Variants in CADPS2 observed in about 807,000 individuals in gnomAD.
CADPS2 encodes the protein calcium dependent secretion activator 2.
CADPS2 carries 93 observed loss-of-function variants against 172.5 expected under a neutral mutation model. The observed-to-expected ratio is 0.54, with a 90% CI of 0.46 to 0.64. The LOEUF (loss-of-function observed/expected upper bound fraction) is 0.64. CADPS2 is among the 30% of genes least tolerant of loss of function. The probability of loss-of-function intolerance (pLI) is 0.00; values close to 1 mark genes in which losing one functional copy is unlikely to be tolerated. For synonymous variants in CADPS2, 546 were observed against 555.2 expected, an observed-to-expected ratio of 0.98 and a Z score of 0.23; for missense variants, 1,420 against 1,565.9, an observed-to-expected ratio of 0.91 and a Z score of 1.57.
intron 20 of CADPS2, among the ~76,000 whole-genome samples, chr7:122,405,080 T>TCAAAA (rs563936472): frequency 2.2e-4 from 33 of 150,926 alleles, no homozygotes; most frequent in East Asian, 5.9e-4. Flanking sequence ...AGACTGCATC[T>TCAAAA]CAAAACAAAA....
rs141556459 is a variant in CADPS2, at chr7:122,349,212, A to G, written c.3505-3531T>C. Reference sequence around the variant, plus strand: ...AAAAAGTGGCCGGTTAAACTTCAACAGCTGTGGATTCAGATTAGTTTTTAT... The same window carrying G: ...AAAAAGTGGCCGGTTAAACTTCAACGGCTGTGGATTCAGATTAGTTTTTAT... On this transcript the variant is annotated intron_variant, in intron 27 of 29. Transcript: ENST00000449022. Among the ~76,000 whole-genome samples the G allele has an allele frequency of 1.6e-4, 25 of 152,276 alleles. No individual in the cohort carries two copies. The East Asian group carries it at 4.8e-3, about 29-fold the overall frequency.
rs376538305 is a variant in CADPS2, at chr7:122,491,331, A to G, written c.1632T>C (p.Asp544=). Residue 544 remains aspartate, a synonymous_variant, in exon 10 of 30, where the codon GAT becomes GAC. Coordinates refer to ENST00000449022, the MANE Select transcript of CADPS2 (RefSeq NM_017954.11). ...ELMQLEGYTV[D]YTDPHPGLQG... is the part of the protein sequence containing the mutation. ...ATTTACCTGGGTGGGGATCGGTATAATCCACAGTATAGCCTTCAAGCTGCA... is the reference window on the plus strand; with the variant it reads ...ATTTACCTGGGTGGGGATCGGTATAGTCCACAGTATAGCCTTCAAGCTGCA... 3.2e-5 allele frequency: 51 copies of G among 1,609,196 alleles called. No homozygotes were observed. In the African/African-American group the frequency reaches 6.4e-4, roughly 20 times the overall value.
chr7:122,817,597 C>G (rs934467186), intron 1 of CADPS2, among the ~76,000 whole-genome samples: 1 of 152,102 alleles, frequency 6.6e-6, no homozygotes, highest in Non-Finnish European at 1.5e-5. Context: ...CCCAGGGATG[C>G]CTGCCTTGGT....
chr7:122,725,880 C>T (rs558823774), intron 2 of CADPS2, among the ~76,000 whole-genome samples: 53 of 152,004 alleles, frequency 3.5e-4, no homozygotes, highest in African/African-American at 1.1e-3. Context: ...AGAACCAACA[C>T]GCCCTGCAGG....
intron 3 of CADPS2, among the ~76,000 whole-genome samples, chr7:122,640,222 C>T (rs77554783): frequency 0.027 from 4,181 of 152,182 alleles, 85 homozygotes; most frequent in South Asian, 0.093. Context: ...TAGTTGAGAC[C>T]TAGGCAGACC....
chr7:122,471,253 TTC>T, intron 14 of CADPS2, 120 bp downstream of exon 14: 1 of 662,574 alleles, frequency 1.5e-6, no homozygotes. Context: ...TTTTTTTTTT[TTC>T]CTTGTAAGAA....
chr7:122,621,683 A>T lies in CADPS2; in HGVS notation c.902T>A (p.Met301Lys). ...RKFPKFIAKD[M>K]ENMYIEELRS... is the part of the protein sequence containing the mutation. ...CAACTCTTCTATATACATATTCTCC[A>T]TATCTTTTGCTATAAATTTGGGGAA... The change falls in exon 5 of 30, where the codon ATG becomes AAG. Residue 301 changes from methionine (M) to lysine (K), a missense_variant. Coordinates refer to ENST00000449022, the MANE Select transcript of CADPS2 (RefSeq NM_017954.11). The T allele has an allele frequency of 6.3e-7, 1 of 1,598,936 alleles. No homozygotes were observed. The highest frequency in any genetic ancestry group is 2.2e-5 in the East Asian group (1 of 44,770).
At chr7:122,350,648 T>A (rs1207664752) in intron 27 of CADPS2, among the ~76,000 whole-genome samples, 1 of 152,298 alleles carries the variant, frequency 6.6e-6, no homozygotes, top group South Asian at 2.1e-4. Context: ...ATTACATTTA[T>A]GCCAACTTAA....
rs1405985267 is a variant in CADPS2 at position 122,416,174 on chromosome 7, A to G, written c.2477-10T>C. On this transcript the variant is annotated splice_polypyrimidine_tract_variant and intron_variant, in intron 17 of 29. Coordinates refer to ENST00000449022, the MANE Select transcript of CADPS2 (RefSeq NM_017954.11). ...GCCTGGTTCATGGTCTCTATATGAA[A>G]AAAAATCATAATCATGTTACCTTGA... 2.0e-6 allele frequency: 3 copies of G among 1,463,976 alleles called. No homozygotes were observed. The Admixed American group carries it at 5.9e-5, about 29-fold the overall frequency. 90.7% of individuals were successfully genotyped at this position (1,463,976 alleles called of 1,614,324 possible).
chr7:122,517,415 C>T (rs10242162), intron 8 of CADPS2, among the ~76,000 whole-genome samples: 85,464 of 151,800 alleles, frequency 0.56, 24,486 homozygotes, highest in African/African-American at 0.68. Context: ...TGGGTAAATA[C>T]CTAGGAGTGG....
chr7:122,852,655 C>T (rs1723472918), intron 1 of CADPS2, among the ~76,000 whole-genome samples: 1 of 152,110 alleles, frequency 6.6e-6, no homozygotes, highest in Non-Finnish European at 1.5e-5. Flanking sequence ...AACATGCTGG[C>T]AGTTCCACGA....
At chr7:122,520,216 G>T (rs2060672821) in intron 8 of CADPS2, among the ~76,000 whole-genome samples, 1 of 151,924 alleles carries the variant, frequency 6.6e-6, no homozygotes, top group African/African-American at 2.4e-5. Flanking sequence ...AATGGTTCTT[G>T]GCAATAGATT....
Position 122,886,026 on chromosome 7 carries a change from G to T in CADPS2, c.312C>A (p.Pro104=). 6.2e-7 allele frequency: 1 copy of T among 1,608,382 alleles called. No homozygotes were observed. Among genetic ancestry groups the T allele is most frequent in the Non-Finnish European group, 8.5e-7 (1 of 1,177,780 alleles). The change falls in exon 1 of 30, where the codon CCC becomes CCA. Residue 104 remains proline (P), a synonymous_variant. Transcript: ENST00000449022. ...TCTGCTGCCTCCGGGCCATGTCGGT[G>T]GGCTGCTTGGCGTTGAAGGGGTACG... ...CIAYPFNAKQ[P]TDMARRQQKL...
chr7:122,372,418 G>A (rs2041876472), intron 25 of CADPS2, among the ~76,000 whole-genome samples: 1 of 152,114 alleles, frequency 6.6e-6, no homozygotes, highest in African/African-American at 2.4e-5. Context: ...CCTTTTCTAG[G>A]CACATAAAAT....
intron 6 of CADPS2, among the ~76,000 whole-genome samples, chr7:122,583,801 A>G (rs1173326545): frequency 6.6e-6 from 1 of 151,284 alleles, no homozygotes. Flanking sequence ...TATCATATAC[A>G]TCACATCATA....
chr7:122,436,339 G>T, intron 17 of CADPS2: 5 of 1,259,652 alleles, frequency 4.0e-6, no homozygotes, highest in Non-Finnish European at 5.2e-6. Flanking sequence ...AATGGCTTGT[G>T]CATGCAGAAA....
chr7:122,460,994 C>T (rs2054369262), intron 14 of CADPS2, among the ~76,000 whole-genome samples: 1 of 152,146 alleles, frequency 6.6e-6, no homozygotes. Flanking sequence ...TCTATATTGT[C>T]CATGACTGCT....
intron 8 of CADPS2, among the ~76,000 whole-genome samples, chr7:122,530,158 T>C (rs2061633965): frequency 6.6e-6 from 1 of 152,080 alleles, no homozygotes; most frequent in Non-Finnish European, 1.5e-5. Context: ...AGACAGACTT[T>C]CAGACAGATG....
intron 1 of CADPS2, among the ~76,000 whole-genome samples, chr7:122,806,078 C>G (rs1798739509): frequency 6.6e-6 from 1 of 152,098 alleles, no homozygotes; most frequent in Non-Finnish European, 1.5e-5. Flanking sequence ...AGTACTAGCC[C>G]TGATTTCTTG....
Sources: allele counts gnomAD v4.1 joint callset (sites outside exome capture counted in the v4.1 genomes callset), GRCh38; gene constraint gnomAD v4.1.1; transcripts MANE v1.5; gene names NCBI Gene and HGNC (gene_info 2026-07-23, HGNC 2026-07-21).